Variants in ZNF407 observed in about 807,000 individuals in gnomAD.
ZNF407 encodes the protein zinc finger protein 407.
Under a neutral mutation model 131.2 loss-of-function variants are expected in ZNF407, and 17 were observed. That is an observed-to-expected ratio of 0.13 (90% CI 0.09 to 0.19). The LOEUF (loss-of-function observed/expected upper bound fraction) is 0.19. Ranked by LOEUF, ZNF407 falls within the 10% of genes least tolerant of loss-of-function variation. The pLI, the probability that ZNF407 is intolerant of heterozygous loss-of-function variation, is 1.00. For missense variants in ZNF407, 2,681 were observed against 2,830.6 expected (o/e 0.95, Z 1.20); for synonymous variants, 1,156 against 1,062.0 (o/e 1.09, Z -1.72).
intron 4 of ZNF407, among the ~76,000 whole-genome samples, chr18:74,827,943 C>T (rs980105958): frequency 6.6e-6 from 1 of 152,150 alleles, no homozygotes; most frequent in Non-Finnish European, 1.5e-5. Flanking sequence ...TGAACTCTAC[C>T]TTACATTATA....
At chr18:74,963,152 C>CTTTTTT (rs36225166) in intron 8 of ZNF407, among the ~76,000 whole-genome samples, 3 of 138,476 alleles carry the variant, frequency 2.2e-5, no homozygotes, top group Non-Finnish European at 3.2e-5. Context: ...ACCTTCATTC[C>CTTTTTT]TTTTTTTTTT....
intron 8 of ZNF407, among the ~76,000 whole-genome samples, chr18:74,935,375 A>G (rs866779876): frequency 2.0e-5 from 3 of 152,206 alleles, no homozygotes; most frequent in East Asian, 1.9e-4. Flanking sequence ...GCATCTGGTC[A>G]ACACTGAAAT....
At chr18:74,926,484 T>C (rs1048233266) in intron 8 of ZNF407, among the ~76,000 whole-genome samples, 1 of 152,216 alleles carries the variant, frequency 6.6e-6, no homozygotes, top group African/African-American at 2.4e-5. Flanking sequence ...AGGGTTTTTT[T>C]CAAAACTTTC....
chr18:74,993,682 A>C (rs999912822), intron 8 of ZNF407, among the ~76,000 whole-genome samples: 20 of 152,240 alleles, frequency 1.3e-4, no homozygotes, highest in Non-Finnish European at 2.5e-4. Context: ...GTTAAGAAAC[A>C]AAAAAATACG....
At chr18:74,678,685 G>C (rs148844937) in intron 3 of ZNF407, among the ~76,000 whole-genome samples, 279 of 152,262 alleles carry the variant, frequency 1.8e-3, no homozygotes, top group African/African-American at 6.5e-3. Flanking sequence ...TCCTCAGCAC[G>C]AGGGTTGGTC....
At chr18:74,677,722 GT>G (rs1407579379) in intron 3 of ZNF407, among the ~76,000 whole-genome samples, 1 of 152,086 alleles carries the variant, frequency 6.6e-6, no homozygotes, top group African/African-American at 2.4e-5. Context: ...TTATTTTAAA[GT>G]TTGTTTTTGA....
At chr18:74,704,777 T>G (rs1303927449) in intron 3 of ZNF407, among the ~76,000 whole-genome samples, 1 of 152,182 alleles carries the variant, frequency 6.6e-6, no homozygotes, top group Non-Finnish European at 1.5e-5. Flanking sequence ...GCAATAAGTG[T>G]CTTGGTGTTT....
chr18:74,889,599 G>A (rs989122116), intron 6 of ZNF407, among the ~76,000 whole-genome samples: 4 of 152,028 alleles, frequency 2.6e-5, no homozygotes, highest in African/African-American at 4.8e-5. Context: ...TGGCTCTGAT[G>A]TAACATGGTT....
At chr18:75,045,637 C>T (rs1599309869) in intron 8 of ZNF407, among the ~76,000 whole-genome samples, 1 of 152,198 alleles carries the variant, frequency 6.6e-6, no homozygotes, top group African/African-American at 2.4e-5. Context: ...AGTCTGGGGG[C>T]ATCCATTGAT....
rs192780750 is a variant in ZNF407 at position 75,064,000 on chromosome 18, G to C, written c.6279G>C (p.Ala2093=). ...VLQFAVCDTA[A]AGQLVKDGVT... ...AGTTTGCTGTGTGTGACACGGCCGC[G>C]GCCGGCCAGTTGGTCAAGGACGGTG... Residue 2093 remains alanine, a synonymous_variant, in exon 9 of 9, where the codon GCG becomes GCC. Coordinates refer to ENST00000299687, the MANE Select transcript of ZNF407 (RefSeq NM_017757.3). This position sits in a 1 kb window ranked among gnomAD's most constrained non-coding sequence, Gnocchi z 6.6. The C allele has an allele frequency of 2.5e-5, 41 of 1,610,906 alleles. No individual in the cohort carries two copies. Among genetic ancestry groups the C allele is most frequent in the Middle Eastern group, 3.3e-4 (2 of 6,080 alleles).
chr18:74,869,894 A>G (rs868392552), intron 4 of ZNF407, among the ~76,000 whole-genome samples: 5 of 152,192 alleles, frequency 3.3e-5, no homozygotes, highest in East Asian at 1.9e-4. Flanking sequence ...CTAAGATACT[A>G]TTGTGCTGGT....
intron 3 of ZNF407, among the ~76,000 whole-genome samples, chr18:74,746,496 G>A (rs1418504076): frequency 6.6e-6 from 1 of 151,958 alleles, no homozygotes; most frequent in Non-Finnish European, 1.5e-5. Context: ...CTGTTCAAAT[G>A]TATTTTCTTA....
intron 8 of ZNF407, among the ~76,000 whole-genome samples, chr18:75,005,694 C>T (rs963830405): frequency 2.0e-5 from 2 of 98,428 alleles, no homozygotes; most frequent in African/African-American, 4.0e-5. Context: ...CATGTCATCC[C>T]CGCCACCCCC....
chr18:74,719,481 G>A lies in ZNF407; in HGVS notation c.4803-61947G>A, dbSNP rs375286007. 2.6e-5 allele frequency among the ~76,000 whole-genome samples: 4 copies of A among 152,294 alleles called. No homozygotes were observed. The East Asian group carries it at 5.8e-4, about 22-fold the overall frequency. On this transcript the variant is annotated intron_variant, in intron 3 of 8. Coordinates refer to ENST00000299687, the MANE Select transcript of ZNF407 (RefSeq NM_017757.3). ...GTGGCGCGATCTCAGCTCACTGCAAGCTCCGCCTCCCGGGTTCACGCCATT... is the reference window on the plus strand; with the variant it reads ...GTGGCGCGATCTCAGCTCACTGCAAACTCCGCCTCCCGGGTTCACGCCATT...
chr18:74,787,571 T>C (rs149141581), intron 4 of ZNF407, among the ~76,000 whole-genome samples: 262 of 152,310 alleles, frequency 1.7e-3, no homozygotes, highest in African/African-American at 6.1e-3. Flanking sequence ...GTTCCTCAGC[T>C]CTTAGGAAGC....
intron 4 of ZNF407, among the ~76,000 whole-genome samples, chr18:74,845,294 G>A (rs1970687147): frequency 6.6e-6 from 1 of 152,172 alleles, no homozygotes; most frequent in Admixed American, 6.5e-5. Flanking sequence ...GCGGTGTTTG[G>A]TGATTTACCA....
At chr18:74,766,953 T>G (rs1969247382) in intron 3 of ZNF407, among the ~76,000 whole-genome samples, 1 of 152,146 alleles carries the variant, frequency 6.6e-6, no homozygotes, top group Non-Finnish European at 1.5e-5. Context: ...ACTCTGTCAC[T>G]CAGGCTGGAG....
chr18:74,672,450 C>CATTGGAGCACTGTTTGTTT (rs1986180889), intron 3 of ZNF407, among the ~76,000 whole-genome samples: 2 of 149,852 alleles, frequency 1.3e-5, no homozygotes, highest in Admixed American at 6.6e-5. Flanking sequence ...TTTGTCTGTT[C>CATTGGAGCACTGTTTGTTT]ATTGGAGCAC....
intron 3 of ZNF407, among the ~76,000 whole-genome samples, chr18:74,729,320 T>G (rs1968235293): frequency 6.6e-6 from 1 of 152,250 alleles, no homozygotes; most frequent in African/African-American, 2.4e-5. Context: ...CTGTGAAAGA[T>G]GAGAAGTTAC....
Sources: allele counts gnomAD v4.1 joint callset (sites outside exome capture counted in the v4.1 genomes callset), GRCh38; gene constraint gnomAD v4.1.1; non-coding constraint Gnocchi (gnomAD v3.1); transcripts MANE v1.5; gene names NCBI Gene and HGNC (gene_info 2026-07-23, HGNC 2026-07-21).